The following CDH9 variants were observed in gnomAD, a reference collection of about 807,000 sequenced individuals.
CDH9 encodes the protein cadherin-9.
A neutral mutation model predicts 70.9 loss-of-function variants in CDH9; 28 were observed. The ratio of observed to expected loss-of-function variants is 0.40; its 90% CI spans 0.29 to 0.54. CDH9 has a LOEUF of 0.54. Among genes scored for constraint, CDH9 ranks in the 20% least tolerant of loss-of-function variants. The pLI, the probability that CDH9 is intolerant of heterozygous loss-of-function variation, is 0.59. For synonymous variants in CDH9, 409 were observed against 343.1 expected (o/e 1.19, Z -2.12); for missense variants, 874 against 984.4 (o/e 0.89, Z 1.50).
chr5:26,952,341 G>C (rs1325259428), intron 2 of CDH9, among the ~76,000 whole-genome samples: 7 of 128,224 alleles, frequency 5.5e-5, no homozygotes, highest in Non-Finnish European at 1.1e-4. Context: ...TCGGCCGGGC[G>C]TCTTGGCTCA....
At chr5:26,972,673 C>T (rs1033834190) in intron 2 of CDH9, among the ~76,000 whole-genome samples, 1 of 152,116 alleles carries the variant, frequency 6.6e-6, no homozygotes, top group African/African-American at 2.4e-5. Flanking sequence ...GGATGCTTTT[C>T]AGCGGTCCTG....
intron 2 of CDH9, among the ~76,000 whole-genome samples, chr5:26,926,399 T>C (rs912391952): frequency 2.6e-5 from 4 of 152,092 alleles, no homozygotes; most frequent in Non-Finnish European, 2.9e-5. Flanking sequence ...TTGAAGGACT[T>C]CTTCAAGGAA....
intron 1 of CDH9, among the ~76,000 whole-genome samples, chr5:26,996,091 T>A (rs1389912942): frequency 6.6e-6 from 1 of 151,990 alleles, no homozygotes; most frequent in Non-Finnish European, 1.5e-5. Flanking sequence ...TGCTTTCTCC[T>A]CTCTATACCT....
chr5:26,894,851 ACT>A (rs1302808372), intron 7 of CDH9, among the ~76,000 whole-genome samples: 1 of 151,990 alleles, frequency 6.6e-6, no homozygotes, highest in African/African-American at 2.4e-5. Context: ...TTGTATAAAT[ACT>A]CTCTGCAGAG....
intron 1 of CDH9, among the ~76,000 whole-genome samples, chr5:27,022,416 C>T (rs538593770): frequency 6.6e-6 from 1 of 152,096 alleles, no homozygotes; most frequent in East Asian, 1.9e-4. Flanking sequence ...TTCTCCATAC[C>T]ACACAATTCC....
intron 2 of CDH9, among the ~76,000 whole-genome samples, chr5:26,953,013 A>G (rs1741880873): frequency 6.6e-6 from 1 of 151,992 alleles, no homozygotes; most frequent in African/African-American, 2.4e-5. Context: ...AGGATGTTAT[A>G]TAATTGATAT....
intron 2 of CDH9, among the ~76,000 whole-genome samples, chr5:26,956,226 C>A (rs1231740471): frequency 6.6e-6 from 1 of 152,128 alleles, no homozygotes; most frequent in Non-Finnish European, 1.5e-5. Context: ...GTGAATAAGT[C>A]TCACGAGATC....
intron 1 of CDH9, among the ~76,000 whole-genome samples, chr5:27,021,728 CATT>C (rs1298915411): frequency 6.6e-6 from 1 of 151,792 alleles, no homozygotes; most frequent in African/African-American, 2.4e-5. Context: ...GGCAAGATAT[CATT>C]ATAAATAAAG....
intron 7 of CDH9, among the ~76,000 whole-genome samples, chr5:26,902,032 T>C (rs1401342761): frequency 1.3e-5 from 2 of 151,904 alleles, no homozygotes; most frequent in Non-Finnish European, 1.5e-5. Flanking sequence ...ATTTAGTTCC[T>C]TATTAATTTG....
intron 7 of CDH9, among the ~76,000 whole-genome samples, chr5:26,897,314 T>C (rs568578409): frequency 9.2e-5 from 14 of 152,086 alleles, no homozygotes; most frequent in Non-Finnish European, 1.9e-4. Flanking sequence ...CCCCAATTCA[T>C]TTTATGAGGC....
At chr5:27,025,688 T>TA (rs1255568604) in intron 1 of CDH9, among the ~76,000 whole-genome samples, 3 of 151,958 alleles carry the variant, frequency 2.0e-5, no homozygotes, top group African/African-American at 4.8e-5. Flanking sequence ...ATGTTCAAGA[T>TA]AAAAAATCAC....
At chr5:26,908,026 A>G (rs1561191107) in intron 3 of CDH9, among the ~76,000 whole-genome samples, 2 of 152,116 alleles carry the variant, frequency 1.3e-5, no homozygotes, top group African/African-American at 2.4e-5. Context: ...TTAACAGCTC[A>G]TTTCCTGTCA....
intron 1 of CDH9, among the ~76,000 whole-genome samples, chr5:27,002,617 A>G (rs368704093): frequency 6.6e-6 from 1 of 152,088 alleles, no homozygotes; most frequent in Non-Finnish European, 1.5e-5. Context: ...CATGTCCTTT[A>G]TAGGGACATG....
intron 2 of CDH9, among the ~76,000 whole-genome samples, chr5:26,955,739 A>G (rs866660812): frequency 1.3e-5 from 2 of 152,146 alleles, no homozygotes; most frequent in Admixed American, 6.6e-5. Context: ...ATCTTATCAC[A>G]TATCTTCACA....
chr5:26,961,785 C>G (rs1306205747), intron 2 of CDH9, among the ~76,000 whole-genome samples: 1 of 152,106 alleles, frequency 6.6e-6, no homozygotes, highest in Non-Finnish European at 1.5e-5. Flanking sequence ...TTCGTCACCA[C>G]CCATAAACCT....
intron 2 of CDH9, among the ~76,000 whole-genome samples, chr5:26,931,148 C>G (rs372109354): frequency 1.3e-5 from 2 of 152,170 alleles, no homozygotes. Flanking sequence ...AGAAAAGAAG[C>G]AACATGACAA....
At chr5:27,007,660 T>C (rs1039536476) in intron 1 of CDH9, among the ~76,000 whole-genome samples, 6 of 152,246 alleles carry the variant, frequency 3.9e-5, no homozygotes, top group Admixed American at 2.0e-4. Flanking sequence ...ACCTATGAAA[T>C]ACTTTTTAAA....
chr5:26,885,606 G>A lies in CDH9; in HGVS notation c.1882+8C>T, dbSNP rs1740550188. On this transcript the variant is annotated splice_region_variant and intron_variant, in intron 11 of 11. Transcript: ENST00000231021. Reference sequence around the variant, plus strand: ...AGTTAAAGGATCATTCAGAGGGGCAGAGCTTACTAAGCAGTATGAGGACAC... The same window carrying A: ...AGTTAAAGGATCATTCAGAGGGGCAAAGCTTACTAAGCAGTATGAGGACAC... 2 of 1,611,732 alleles carry A rather than the reference G, an allele frequency of 1.2e-6. No individual in the cohort carries two copies. The highest frequency in any genetic ancestry group is 1.7e-5 in the Admixed American group (1 of 59,902).
intron 3 of CDH9, among the ~76,000 whole-genome samples, chr5:26,910,701 A>C (rs1741036669): frequency 6.6e-6 from 1 of 152,192 alleles, no homozygotes; most frequent in African/African-American, 2.4e-5. Flanking sequence ...TGAGCACTGT[A>C]GAAAAGAGAC....
Sources: allele counts gnomAD v4.1 joint callset (sites outside exome capture counted in the v4.1 genomes callset), GRCh38; gene constraint gnomAD v4.1.1; transcripts MANE v1.5; gene names NCBI Gene and HGNC (gene_info 2026-07-23, HGNC 2026-07-21).